The following ZMYND11 variants were observed in gnomAD, a reference collection of about 807,000 sequenced individuals.
ZMYND11 encodes zinc finger MYND-type containing 11.
ZMYND11 carries 9 observed loss-of-function variants against 84.9 expected under a neutral mutation model. The ratio of observed to expected loss-of-function variants is 0.11; its 90% CI spans 0.06 to 0.18. The LOEUF (loss-of-function observed/expected upper bound fraction) is 0.18. ZMYND11 is among the 10% of genes least tolerant of loss of function. ZMYND11 has a pLI of 1.00. For synonymous variants in ZMYND11, 250 were observed against 244.1 expected (o/e 1.02, Z -0.23); for missense variants, 409 against 761.0 (o/e 0.54, Z 5.44).
chr10:154,091 C>A (rs1486698867), intron 1 of ZMYND11, among the ~76,000 whole-genome samples: 1 of 152,164 alleles, frequency 6.6e-6, no homozygotes, highest in Non-Finnish European at 1.5e-5. Context: ...CCCATGAATC[C>A]ACAAAGTTAG....
intron 4 of ZMYND11, among the ~76,000 whole-genome samples, chr10:233,356 C>G (rs981844467): frequency 1.3e-5 from 2 of 152,130 alleles, no homozygotes; most frequent in African/African-American, 2.4e-5. Context: ...CAGTAGATCC[C>G]CACTCCCACG....
At chr10:233,421 C>T (rs577079721) in intron 4 of ZMYND11, among the ~76,000 whole-genome samples, 65 of 152,268 alleles carry the variant, frequency 4.3e-4, no homozygotes, top group African/African-American at 1.5e-3. Context: ...ATAAGTTTGG[C>T]CTGTTCTAGA....
At chr10:176,812 A>G (rs898499955) in intron 1 of ZMYND11, among the ~76,000 whole-genome samples, 1 of 152,196 alleles carries the variant, frequency 6.6e-6, no homozygotes, top group African/African-American at 2.4e-5. Flanking sequence ...GGTAAGGGGC[A>G]GGGGAGAACA....
intron 7 of ZMYND11, 118 bp downstream of exon 7, chr10:239,643 G>C (rs1428018259): frequency 1.1e-5 from 9 of 785,414 alleles, no homozygotes; most frequent in Non-Finnish European, 1.8e-5. Context: ...TGATCTACAA[G>C]TTTAGAGTAT....
At chr10:249,196 A>G in intron 14 of ZMYND11, 108 bp downstream of exon 14, 3 of 1,552,642 alleles carry the variant, frequency 1.9e-6, no homozygotes, top group Non-Finnish European at 2.6e-6. Flanking sequence ...TTTCTGAAAT[A>G]AGATCAAATG....
upstream of ZMYND11, among the ~76,000 whole-genome samples, chr10:131,287 T>C (rs1463872309): frequency 6.6e-6 from 1 of 152,046 alleles, no homozygotes; most frequent in Non-Finnish European, 1.5e-5. Context: ...TTAACCTGAG[T>C]ATGGGAGGAC....
At chr10:246,653 G>A (rs892225233) in intron 10 of ZMYND11, 113 bp from the exon 11 acceptor site, 14 of 982,890 alleles carry the variant, frequency 1.4e-5, no homozygotes, top group East Asian at 2.6e-5. Flanking sequence ...GCTAACAGAC[G>A]AGAACTGCCA....
At chr10:239,392 T>C (rs1348443515) in intron 6 of ZMYND11, 46 bp from the exon 7 acceptor site, 1 of 1,524,754 alleles carries the variant, frequency 6.6e-7, no homozygotes, top group South Asian at 1.2e-5. Context: ...AGACAAGTAT[T>C]TTTACTGGTA....
At chr10:186,540 C>T (rs1383522726) in intron 2 of ZMYND11, among the ~76,000 whole-genome samples, 1 of 149,230 alleles carries the variant, frequency 6.7e-6, no homozygotes, top group Non-Finnish European at 1.5e-5. Context: ...ACTTGGGAGG[C>T]TGAGGCAGGA....
chr10:201,614 T>TAC (rs1441873260), intron 2 of ZMYND11, among the ~76,000 whole-genome samples: 1 of 30,548 alleles, frequency 3.3e-5, no homozygotes, highest in East Asian at 1.2e-3. Context: ...ACATTATATA[T>TAC]ATATGTATTC....
intron 1 of ZMYND11, among the ~76,000 whole-genome samples, chr10:145,164 GTA>G (rs1554754912): frequency 1.3e-5 from 2 of 150,284 alleles, no homozygotes; most frequent in African/African-American, 2.4e-5. Context: ...ATATGTGTGT[GTA>G]TATATATGTG....
rs576939350 is a variant in ZMYND11 at position 226,270 on chromosome 10, C to T, written c.438+4914C>T. Among the ~76,000 whole-genome samples the T allele has an allele frequency of 2.6e-5, 4 of 152,262 alleles. No homozygotes were observed. The East Asian group carries it at 5.8e-4, about 22-fold the overall frequency. ...AGATTCTATAGCAGACACTGCCCTG[C>T]ACAGATTAGTGGCTATAATATCTGA... On this transcript the variant is annotated intron_variant, in intron 4 of 14. Transcript: ENST00000381604.
chr10:220,318 T>C (rs370609058), intron 3 of ZMYND11, among the ~76,000 whole-genome samples: 6 of 152,260 alleles, frequency 3.9e-5, no homozygotes, highest in African/African-American at 1.4e-4. Flanking sequence ...AGTTGAGAAT[T>C]AACTCATCAC....
At chr10:151,011 C>A (rs1384713500) in intron 1 of ZMYND11, among the ~76,000 whole-genome samples, 2 of 152,188 alleles carry the variant, frequency 1.3e-5, no homozygotes, top group Non-Finnish European at 2.9e-5. Context: ...AGGGTCCTGA[C>A]CGTTAGAAGG....
In ZMYND11 at chr10:179,988, C is replaced by A; in HGVS notation, c.-19-6C>A. 2 of 1,551,482 alleles carry A rather than the reference C, an allele frequency of 1.3e-6. No homozygotes were observed. Among genetic ancestry groups the A allele is most frequent in the Non-Finnish European group, 1.8e-6 (2 of 1,130,126 alleles). Reference sequence around the variant, plus strand: ...TTTTCCCTTATGTTTTTGTTTATTACTGCAGCTAAAGAAGTAAACAGGTCA... The same window carrying A: ...TTTTCCCTTATGTTTTTGTTTATTAATGCAGCTAAAGAAGTAAACAGGTCA... On this transcript the variant is annotated splice_polypyrimidine_tract_variant and splice_region_variant and intron_variant, in intron 1 of 14. Transcript: ENST00000381604.
chr10:187,661 A>G (rs1221289865), intron 2 of ZMYND11, among the ~76,000 whole-genome samples: 2 of 151,996 alleles, frequency 1.3e-5, no homozygotes, highest in East Asian at 3.9e-4. Context: ...CATACCCAAG[A>G]TAAACTTCTT....
chr10:146,626 T>G (rs1838924101), intron 1 of ZMYND11, among the ~76,000 whole-genome samples: 1 of 152,206 alleles, frequency 6.6e-6, no homozygotes, highest in South Asian at 2.1e-4. Flanking sequence ...TTGTGTTGTT[T>G]TGTTTTTGCA....
At chr10:246,505 C>T (rs900359544) in intron 10 of ZMYND11, among the ~76,000 whole-genome samples, 8 of 152,284 alleles carry the variant, frequency 5.3e-5, no homozygotes, top group Admixed American at 4.6e-4. Context: ...GAACTTTTGT[C>T]GACTGTGAAA....
chr10:144,007 T>TAA (rs34431705), intron 1 of ZMYND11, among the ~76,000 whole-genome samples: 24,184 of 144,826 alleles, frequency 0.17, 2,469 homozygotes, highest in South Asian at 0.33. Context: ...CTGCCTCAAT[T>TAA]AAAAAAAAAA....
Sources: gnomAD v4.1 joint callset for allele counts (sites outside exome capture counted in the v4.1 genomes callset) on GRCh38, gnomAD v4.1.1 for gene constraint, MANE v1.5 for transcripts, NCBI Gene and HGNC (gene_info 2026-07-23, HGNC 2026-07-21) for gene names.